ISG20: variants seen among roughly 807,000 people sequenced by gnomAD.
ISG20 encodes the protein interferon stimulated exonuclease gene 20, also known as interferon-stimulated gene 20 kDa protein.
ISG20 carries 8 observed loss-of-function variants against 11.1 expected under a neutral mutation model. That is an observed-to-expected ratio of 0.72 (90% CI 0.42 to 1.30). The LOEUF (loss-of-function observed/expected upper bound fraction) is 1.30, where lower values mean the gene tolerates loss of function less well. Among genes scored for constraint, ISG20 ranks in the 50% most tolerant of loss-of-function variants. The probability of loss-of-function intolerance (pLI) is 0.01; values close to 1 mark genes in which losing one functional copy is unlikely to be tolerated. For missense variants in ISG20, 243 were observed against 250.2 expected (o/e 0.97, Z 0.19); for synonymous variants, 110 against 101.7 (o/e 1.08, Z -0.49).
intron 2 of ISG20, among the ~76,000 whole-genome samples, chr15:88,642,144 G>A (rs1480005311): frequency 2.0e-5 from 3 of 151,742 alleles, no homozygotes; most frequent in Non-Finnish European, 4.4e-5. Context: ...GCCCAGGCTG[G>A]TCTTGAATGC....
chr15:88,644,005 C>T (rs1468329441), intron 2 of ISG20, among the ~76,000 whole-genome samples: 2 of 152,136 alleles, frequency 1.3e-5, no homozygotes, highest in Non-Finnish European at 2.9e-5. Flanking sequence ...CCTGTATCAA[C>T]AGTACAGTGT....
At chr15:88,649,864 A>C in intron 2 of ISG20, 1 of 300,592 alleles carries the variant, frequency 3.3e-6, no homozygotes, top group Non-Finnish European at 6.5e-6. Context: ...AAGGCCTCCA[A>C]CCAGACCATG....
At chr15:88,651,127 A>G (rs1350638382) in intron 2 of ISG20, 5 of 865,264 alleles carry the variant, frequency 5.8e-6, no homozygotes, top group Non-Finnish European at 6.9e-6. Flanking sequence ...AGGCCAGCCC[A>G]TATGCAATGG....
intron 2 of ISG20, among the ~76,000 whole-genome samples, chr15:88,645,317 C>T (rs1046611433): frequency 2.6e-5 from 4 of 152,136 alleles, no homozygotes; most frequent in Admixed American, 6.5e-5. Flanking sequence ...TGGCCCTAAG[C>T]GCGGTGCCTG....
intron 2 of ISG20, chr15:88,649,382 G>C (rs76279170): frequency 0.038 from 5,851 of 152,294 alleles, 204 homozygotes; most frequent in African/African-American, 0.091. Context: ...GGGAAGTGAT[G>C]GGTTTCCTGG....
At position 88,639,205 on chromosome 15, in the gene ISG20, A is replaced by G. The variant is rs918768098; in HGVS notation, c.-25+129A>G. 1.3e-5 allele frequency: 8 copies of G among 615,010 alleles called. No individual in the cohort carries two copies. Among genetic ancestry groups the G allele is most frequent in the African/African-American group, 9.2e-5 (5 of 54,218 alleles). The allele number at this position is 615,010 out of a possible 1,614,324, so 38.1% of individuals were successfully genotyped here. A position where few individuals can be genotyped will look rare whatever the true frequency, so the allele number is the denominator to read the frequency against. On this transcript the variant is annotated intron_variant, in intron 1 of 3. Transcript: ENST00000306072. This position sits in a 1 kb window ranked among gnomAD's most constrained non-coding sequence, Gnocchi z 4.2. ...TAAGGCAGGGGATGGGGGAGGCAAG[A>G]GGCCAGCTTCCACTGTGGCCAGGTG... is the stretch of plus-strand genomic sequence containing the variant.
chr15:88,653,910 G>C (rs532114954), intron 3 of ISG20, among the ~76,000 whole-genome samples: 1 of 152,312 alleles, frequency 6.6e-6, no homozygotes, highest in East Asian at 1.9e-4. Context: ...GGAAAGGAAA[G>C]ACCCTGCCAT....
intron 3 of ISG20, among the ~76,000 whole-genome samples, chr15:88,655,159 G>A (rs2141409990): frequency 6.6e-6 from 1 of 152,376 alleles, no homozygotes; most frequent in Middle Eastern, 3.4e-3. Flanking sequence ...TCCCTTGCGG[G>A]ACTGCAGGTG....
At chr15:88,640,920 A>C (rs1342651947) in intron 2 of ISG20, among the ~76,000 whole-genome samples, 29 of 148,462 alleles carry the variant, frequency 2.0e-4, no homozygotes, top group African/African-American at 6.5e-4. Context: ...GATGGCACCC[A>C]CTCCAGCCTG....
At position 88,650,421 on chromosome 15, in the gene ISG20, G is replaced by C; in HGVS notation, c.229-1689G>C. The C allele has an allele frequency of 6.7e-7, 1 of 1,497,898 alleles. No individual in the cohort carries two copies. The highest frequency in any genetic ancestry group is 8.9e-7 in the Non-Finnish European group (1 of 1,126,978). The allele number at this position is 1,497,898 out of a possible 1,614,324, so 92.8% of individuals were successfully genotyped here. On this transcript the variant is annotated intron_variant, in intron 2 of 3. Coordinates refer to ENST00000306072, the MANE Select transcript of ISG20 (RefSeq NM_002201.6). This position sits in a 1 kb window ranked among gnomAD's most constrained non-coding sequence, Gnocchi z 4.0. Reference sequence around the variant, plus strand: ...TTCACTCTTCTGGCTCAGTGTGGCAGTGGCAGGCGGGCTCTGGATTCATCC... The same window carrying C: ...TTCACTCTTCTGGCTCAGTGTGGCACTGGCAGGCGGGCTCTGGATTCATCC...
At chr15:88,651,209 A>T in intron 2 of ISG20, 1 of 985,430 alleles carries the variant, frequency 1.0e-6, no homozygotes, top group African/African-American at 1.7e-5. Context: ...AAATCATCAG[A>T]GTAAGCCTGG....
intron 3 of ISG20, among the ~76,000 whole-genome samples, chr15:88,654,257 G>C (rs1393854996): frequency 6.6e-6 from 1 of 152,140 alleles, no homozygotes; most frequent in African/African-American, 2.4e-5. Context: ...GGTGACAGGG[G>C]CAGGTATGCA....
At chr15:88,648,351 A>G (rs1307485654) in intron 2 of ISG20, 1 of 152,260 alleles carries the variant, frequency 6.6e-6, no homozygotes, top group African/African-American at 2.4e-5. Context: ...TGGATATTTC[A>G]ATTCAGTAGG....
At chr15:88,635,746 T>A (rs540007307), upstream of ISG20, among the ~76,000 whole-genome samples, 7 of 152,162 alleles carry the variant, frequency 4.6e-5, no homozygotes, top group African/African-American at 1.7e-4. Context: ...TGTGCATATT[T>A]TATGGTAGTA....
intron 2 of ISG20, among the ~76,000 whole-genome samples, chr15:88,644,712 C>T (rs1334496726): frequency 6.6e-6 from 1 of 152,096 alleles, no homozygotes; most frequent in Non-Finnish European, 1.5e-5. Context: ...AGGTGGGAGT[C>T]TGTTCAGGTG....
chr15:88,655,675 C>T lies in ISG20; in HGVS notation c.*144C>T, dbSNP rs1453165934. On this transcript the variant is annotated 3_prime_UTR_variant, in exon 4 of 4. Coordinates refer to ENST00000306072, the MANE Select transcript of ISG20 (RefSeq NM_002201.6). ...ATCACTGGGTCCTCTTCTTATTCTT[C>T]TCTCCAAGCTGGGTTAACAGTAGAC... 1.7e-6 allele frequency: 1 copy of T among 584,742 alleles called. No individual in the cohort carries two copies. Among genetic ancestry groups the T allele is most frequent in the African/African-American group, 1.9e-5 (1 of 53,394 alleles). The allele number at this position is 584,742 out of a possible 1,614,324, so 36.2% of individuals were successfully genotyped here. A position where few individuals can be genotyped will look rare whatever the true frequency, so the allele number is the denominator to read the frequency against.
chr15:88,649,846 G>T (rs1343028307), intron 2 of ISG20: 7 of 273,242 alleles, frequency 2.6e-5, no homozygotes, highest in Non-Finnish European at 5.1e-5. Flanking sequence ...CGTGAGCTCT[G>T]TCCAGAGAAG....
At position 88,643,202 on chromosome 15, in the gene ISG20, T is replaced by C. The variant is rs1454056873; in HGVS notation, c.228+3608T>C. Among the ~76,000 whole-genome samples the C allele has an allele frequency of 6.6e-6, 1 of 152,136 alleles. No homozygotes were observed. Among genetic ancestry groups the C allele is most frequent in the Non-Finnish European group, 1.5e-5 (1 of 68,020 alleles). The stretch of plus-strand genomic sequence containing the variant: ...CTGAGCTATGATCATGCCACTGCAC[T>C]GCAGCCTGGGTAAGAGAGACCCTGT... On this transcript the variant is annotated intron_variant, in intron 2 of 3. Coordinates refer to ENST00000306072, the MANE Select transcript of ISG20 (RefSeq NM_002201.6). This position sits in a 1 kb window ranked among gnomAD's most constrained non-coding sequence, Gnocchi z 4.4.
intron 2 of ISG20, among the ~76,000 whole-genome samples, chr15:88,641,594 G>A (rs1252598220): frequency 5.3e-5 from 8 of 152,022 alleles, no homozygotes; most frequent in Non-Finnish European, 1.0e-4. Context: ...ATGTTCACAT[G>A]GCATTCTCTC....
Sources: gnomAD v4.1 joint callset for allele counts (sites outside exome capture counted in the v4.1 genomes callset) on GRCh38, gnomAD v4.1.1 for gene constraint, Gnocchi (gnomAD v3.1) non-coding constraint, MANE v1.5 for transcripts, NCBI Gene and HGNC (gene_info 2026-07-23, HGNC 2026-07-21) for gene names.